ATP2B2: variants seen among roughly 807,000 people sequenced by gnomAD.
The protein encoded by ATP2B2 is ATPase plasma membrane Ca2+ transporting 2.
A neutral mutation model predicts 120.0 loss-of-function variants in ATP2B2; 15 were observed. That is an observed-to-expected ratio of 0.12 (90% CI 0.08 to 0.19). ATP2B2 has a LOEUF of 0.19. ATP2B2 is among the 10% of genes least tolerant of loss of function. The pLI is 1.00. For synonymous variants in ATP2B2, 694 were observed against 700.3 expected, an observed-to-expected ratio of 0.99 and a Z score of 0.14; for missense variants, 1,045 against 1,719.8, an observed-to-expected ratio of 0.61 and a Z score of 6.94.
At chr3:10,679,044 T>G (rs1028679092) in intron 1 of ATP2B2, among the ~76,000 whole-genome samples, 4 of 152,154 alleles carry the variant, frequency 2.6e-5, no homozygotes, top group Non-Finnish European at 5.9e-5. Flanking sequence ...TCTCTCCTGC[T>G]GGCCTTAGAG....
intron 1 of ATP2B2, among the ~76,000 whole-genome samples, chr3:10,643,191 G>A (rs776950064): frequency 6.6e-6 from 1 of 152,088 alleles, no homozygotes; most frequent in Admixed American, 6.5e-5. Context: ...TAATTAATAC[G>A]GTAATTAACT....
chr3:10,468,036 A>G (rs2064824253), intron 1 of ATP2B2, among the ~76,000 whole-genome samples: 1 of 152,214 alleles, frequency 6.6e-6, no homozygotes, highest in Non-Finnish European at 1.5e-5. Context: ...CATGACCTCG[A>G]CACTCAATAG....
chr3:10,577,883 G>A (rs1342752729), intron 2 of ATP2B2, among the ~76,000 whole-genome samples: 2 of 152,194 alleles, frequency 1.3e-5, no homozygotes, highest in Non-Finnish European at 2.9e-5. Context: ...TGCTGCTGAT[G>A]GTTTTCAACC....
chr3:10,518,146 A>C (rs1445486978), intron 3 of ATP2B2, among the ~76,000 whole-genome samples: 1 of 152,214 alleles, frequency 6.6e-6, no homozygotes, highest in Non-Finnish European at 1.5e-5. Context: ...CCAGTCTGCA[A>C]GTTCTAGCAT....
intron 1 of ATP2B2, among the ~76,000 whole-genome samples, chr3:10,476,219 C>T (rs1012095508): frequency 7.2e-5 from 11 of 152,294 alleles, no homozygotes; most frequent in Middle Eastern, 3.4e-3. Flanking sequence ...CAGATCAGGC[C>T]ATCTTTAGCT....
At chr3:10,524,188 C>T (rs1322759822) in intron 3 of ATP2B2, among the ~76,000 whole-genome samples, 3 of 152,154 alleles carry the variant, frequency 2.0e-5, no homozygotes, top group Non-Finnish European at 4.4e-5. Context: ...GTCTGTGACG[C>T]CTGGACCTGC....
chr3:10,576,090 C>A (rs2068239581), intron 2 of ATP2B2, among the ~76,000 whole-genome samples: 1 of 152,220 alleles, frequency 6.6e-6, no homozygotes, highest in Admixed American at 6.5e-5. Context: ...TTTGCCTAGG[C>A]CCTACAGCTA....
chr3:10,532,702 C>T (rs1458151182), intron 3 of ATP2B2, among the ~76,000 whole-genome samples: 5 of 152,172 alleles, frequency 3.3e-5, no homozygotes, highest in Non-Finnish European at 5.9e-5. Flanking sequence ...TCCCAAAGTG[C>T]TTGGGCAAGA....
At chr3:10,465,751 C>T (rs552653684) in intron 1 of ATP2B2, among the ~76,000 whole-genome samples, 199 of 152,290 alleles carry the variant, frequency 1.3e-3, no homozygotes, top group African/African-American at 1.3e-3. Context: ...CTGACAAGGC[C>T]GGAGCTGCCA....
chr3:10,426,104 T>C (rs1257653438), intron 2 of ATP2B2, among the ~76,000 whole-genome samples: 1 of 152,094 alleles, frequency 6.6e-6, no homozygotes, highest in Non-Finnish European at 1.5e-5. Context: ...TTTGCTGTGC[T>C]GTTCCCTCTG....
intron 1 of ATP2B2, among the ~76,000 whole-genome samples, chr3:10,620,942 C>T (rs753886733): frequency 2.5e-4 from 38 of 152,176 alleles, no homozygotes; most frequent in Admixed American, 3.3e-4. Context: ...CCTCCTCACT[C>T]ACAGGGTTCA....
At chr3:10,515,408 G>A (rs1370197983) in intron 3 of ATP2B2, among the ~76,000 whole-genome samples, 2 of 152,154 alleles carry the variant, frequency 1.3e-5, no homozygotes, top group African/African-American at 2.4e-5. Flanking sequence ...TGAAGATATC[G>A]TTCGTTCATT....
At chr3:10,385,563 G>A (rs1445444225) in intron 7 of ATP2B2, among the ~76,000 whole-genome samples, 1 of 152,176 alleles carries the variant, frequency 6.6e-6, no homozygotes, top group South Asian at 2.1e-4. Flanking sequence ...AAGCATGGTG[G>A]ATGACCAGGG....
At chr3:10,632,812 G>A (rs1353339523) in intron 1 of ATP2B2, among the ~76,000 whole-genome samples, 5 of 152,226 alleles carry the variant, frequency 3.3e-5, no homozygotes, top group Admixed American at 2.6e-4. Context: ...AATGTTACTG[G>A]GCCTCTTTGT....
intron 3 of ATP2B2, among the ~76,000 whole-genome samples, chr3:10,404,803 T>C (rs749134394): frequency 2.6e-5 from 4 of 151,946 alleles, no homozygotes; most frequent in Non-Finnish European, 4.4e-5. Context: ...AGAAACCCAG[T>C]ATATGGAAAC....
chr3:10,488,385 CCATCCATCCATG>C (rs1170318372), intron 1 of ATP2B2, among the ~76,000 whole-genome samples: 3 of 151,752 alleles, frequency 2.0e-5, no homozygotes, highest in Non-Finnish European at 4.4e-5. Flanking sequence ...ATCCACCCAT[CCATCCATCCATG>C]TGCCCATCCA....
chr3:10,460,440 C>A (rs2064439503), intron 1 of ATP2B2, among the ~76,000 whole-genome samples: 3 of 152,086 alleles, frequency 2.0e-5, no homozygotes, highest in Non-Finnish European at 4.4e-5. Context: ...TATTAAGTGC[C>A]CCTAGGAACT....
At chr3:10,410,570 CG>C in intron 3 of ATP2B2, 47 bp downstream of exon 3, 1 of 1,539,422 alleles carries the variant, frequency 6.5e-7, no homozygotes, top group Non-Finnish European at 8.8e-7. Flanking sequence ...AGCGTGGATG[CG>C]GTGGCCAGGT....
chr3:10,498,447 C>A (rs1231110363), intron 1 of ATP2B2, among the ~76,000 whole-genome samples: 2 of 152,240 alleles, frequency 1.3e-5, no homozygotes, highest in Admixed American at 1.3e-4. Flanking sequence ...CCTCACTCAG[C>A]GTGGATGCCT....
Sources: gnomAD v4.1 joint callset for allele counts (sites outside exome capture counted in the v4.1 genomes callset) on GRCh38, gnomAD v4.1.1 for gene constraint, MANE v1.5 for transcripts, NCBI Gene and HGNC (gene_info 2026-07-23, HGNC 2026-07-21) for gene names.